Variants in TEX36 observed in about 807,000 individuals in gnomAD.
The protein encoded by TEX36 is testis-expressed protein 36.
In TEX36, 12 loss-of-function variants were observed where a neutral mutation model predicts 13.6. The observed-to-expected ratio is 0.88, with a 90% CI of 0.56 to 1.43. The LOEUF is 1.43. Among genes scored for constraint, TEX36 ranks in the 40% most tolerant of loss-of-function variants. TEX36 has a pLI of 0.00. For missense variants in TEX36, 224 were observed against 228.3 expected (o/e 0.98, Z 0.12); for synonymous variants, 93 against 83.0 (o/e 1.12, Z -0.65).
intron 3 of TEX36, among the ~76,000 whole-genome samples, chr10:125,593,916 C>T (rs1218161971): frequency 6.6e-6 from 1 of 152,204 alleles, no homozygotes; most frequent in African/African-American, 2.4e-5. Flanking sequence ...TTATGTTATG[C>T]AAATTTCACC....
chr10:125,651,170 C>A (rs1364902059), downstream of TEX36, among the ~76,000 whole-genome samples: 1 of 152,064 alleles, frequency 6.6e-6, no homozygotes, highest in Non-Finnish European at 1.5e-5. Flanking sequence ...ATCATAATAC[C>A]AAAGCCAGGC....
intron 3 of TEX36, among the ~76,000 whole-genome samples, chr10:125,602,518 C>T (rs1174634957): frequency 6.6e-6 from 1 of 152,290 alleles, no homozygotes; most frequent in East Asian, 1.9e-4. Context: ...ATCTGATTCC[C>T]TCCACTGGGA....
chr10:125,593,256 G>C (rs1476569323), intron 3 of TEX36, among the ~76,000 whole-genome samples: 1 of 152,242 alleles, frequency 6.6e-6, no homozygotes, highest in African/African-American at 2.4e-5. Context: ...TTTAGGAGCT[G>C]TGTGCCAGGA....
chr10:125,676,401 A>T (rs1847312931), intron 1 of TEX36, among the ~76,000 whole-genome samples: 1 of 152,172 alleles, frequency 6.6e-6, no homozygotes. Context: ...CTTGACTTAC[A>T]GACTGTTTTA....
At chr10:125,664,067 C>A (rs1335577498) in intron 1 of TEX36, among the ~76,000 whole-genome samples, 1 of 152,222 alleles carries the variant, frequency 6.6e-6, no homozygotes, top group Non-Finnish European at 1.5e-5. Flanking sequence ...TACTCAGCTT[C>A]CACAAAGGAG....
chr10:125,627,294 C>T (rs961283576), intron 3 of TEX36, among the ~76,000 whole-genome samples: 5 of 152,164 alleles, frequency 3.3e-5, no homozygotes, highest in African/African-American at 1.2e-4. Flanking sequence ...TTAGATTATG[C>T]TTTTAGATGT....
chr10:125,657,032 T>C (rs1846956494), intron 3 of TEX36, among the ~76,000 whole-genome samples: 1 of 152,190 alleles, frequency 6.6e-6, no homozygotes, highest in African/African-American at 2.4e-5. Flanking sequence ...CTCAGCACCT[T>C]ACGTGCGAAC....
intron 3 of TEX36, among the ~76,000 whole-genome samples, chr10:125,659,419 G>A (rs1846996087): frequency 1.3e-5 from 2 of 152,150 alleles, no homozygotes; most frequent in African/African-American, 2.4e-5. Context: ...GCAGTGAATC[G>A]TCAAGGTCAG....
rs1248235876 is a variant in TEX36 at position 125,667,038 on chromosome 10, C to A, written c.52-5061G>T. ...TTCTTCCTGCCCCAGGCCTTCAGGG[C>A]AGAGGCCTGCAGGGCTCGGCCATAG... On this transcript the variant is annotated intron_variant, in intron 1 of 3. Coordinates refer to ENST00000368821, the MANE Select transcript of TEX36 (RefSeq NM_001128202.3). 2.0e-6 allele frequency: 3 copies of A among 1,484,944 alleles called. No homozygotes were observed. In the East Asian group the frequency reaches 7.1e-5, roughly 35 times the overall value. The allele number at this position is 1,484,944 out of a possible 1,614,324, so 92.0% of individuals were successfully genotyped here.
At chr10:125,637,707 G>A (rs575806977) in intron 3 of TEX36, among the ~76,000 whole-genome samples, 99 of 152,184 alleles carry the variant, frequency 6.5e-4, no homozygotes, top group African/African-American at 2.2e-3. Context: ...TGACTCAGCC[G>A]GTCCAGTGGG....
At chr10:125,665,785 T>C (rs1392942454) in intron 1 of TEX36, among the ~76,000 whole-genome samples, 1 of 152,214 alleles carries the variant, frequency 6.6e-6, no homozygotes, top group African/African-American at 2.4e-5. Context: ...AACCTGTAGA[T>C]TGCTTTAAGC....
chr10:125,671,533 C>G (rs1347853901), intron 1 of TEX36, among the ~76,000 whole-genome samples: 1 of 152,146 alleles, frequency 6.6e-6, no homozygotes, highest in Non-Finnish European at 1.5e-5. Flanking sequence ...TTCAGTTTGC[C>G]AGTATTTTAT....
At chr10:125,611,114 T>C (rs183983696) in intron 3 of TEX36, among the ~76,000 whole-genome samples, 1 of 152,236 alleles carries the variant, frequency 6.6e-6, no homozygotes, top group Admixed American at 6.5e-5. Flanking sequence ...TGCCTAGTAT[T>C]CTGCCATACT....
chr10:125,640,200 T>C, intron 3 of TEX36: 1 of 985,424 alleles, frequency 1.0e-6, no homozygotes, highest in Non-Finnish European at 1.2e-6. Context: ...GGACTGAACA[T>C]TCTGATGCTA....
At chr10:125,669,159 T>C (rs9422924) in intron 1 of TEX36, among the ~76,000 whole-genome samples, 2,633 of 152,084 alleles carry the variant, frequency 0.017, 74 homozygotes, top group African/African-American at 0.059. Context: ...GGTGTGATGG[T>C]GTGCACCTGT....
chr10:125,609,593 T>C (rs942043151), intron 3 of TEX36, among the ~76,000 whole-genome samples: 8 of 152,220 alleles, frequency 5.3e-5, no homozygotes, highest in Non-Finnish European at 8.8e-5. Flanking sequence ...AACTACCATA[T>C]TGAAGATGGC....
At chr10:125,644,610 A>G (rs766558187) in intron 3 of TEX36, among the ~76,000 whole-genome samples, 23 of 152,214 alleles carry the variant, frequency 1.5e-4, no homozygotes, top group Non-Finnish European at 2.9e-4. Context: ...GATTGTACCA[A>G]TATCAATTTC....
At chr10:125,607,692 A>T (rs905725119) in intron 3 of TEX36, among the ~76,000 whole-genome samples, 4 of 151,936 alleles carry the variant, frequency 2.6e-5, no homozygotes, top group African/African-American at 9.7e-5. Flanking sequence ...CTGGGAGCAT[A>T]AGACCTCTAT....
chr10:125,603,829 C>G (rs1390494695), intron 3 of TEX36, among the ~76,000 whole-genome samples: 4 of 152,090 alleles, frequency 2.6e-5, no homozygotes, highest in Non-Finnish European at 5.9e-5. Flanking sequence ...GAACACAGGA[C>G]CCTCTAGAGT....
Sources: allele counts gnomAD v4.1 joint callset (sites outside exome capture counted in the v4.1 genomes callset), GRCh38; gene constraint gnomAD v4.1.1; transcripts MANE v1.5; gene names NCBI Gene and HGNC (gene_info 2026-07-23, HGNC 2026-07-21).